The following CDH13 variants were observed in gnomAD, a reference collection of about 807,000 sequenced individuals.
The protein encoded by CDH13 is cadherin 13, also known as cadherin-13.
In CDH13, 24 loss-of-function variants were observed where a neutral mutation model predicts 63.8. The observed-to-expected ratio is 0.38, with a 90% CI of 0.27 to 0.53. CDH13 has a LOEUF of 0.53. Ranked by LOEUF, CDH13 falls within the 20% of genes least tolerant of loss-of-function variation. CDH13 has a pLI of 0.85. For synonymous variants in CDH13, 503 were observed against 355.3 expected (o/e 1.42, Z -4.67); for missense variants, 1,049 against 903.1 (o/e 1.16, Z -2.07).
intron 8 of CDH13, among the ~76,000 whole-genome samples, chr16:83,610,428 C>T (rs117263931): frequency 0.015 from 2,331 of 152,278 alleles, 19 homozygotes; most frequent in Non-Finnish European, 0.022. Context: ...TAATTCTCAA[C>T]AGATCAAACA....
intron 2 of CDH13, among the ~76,000 whole-genome samples, chr16:82,953,007 C>T (rs746711571): frequency 6.6e-6 from 1 of 152,180 alleles, no homozygotes; most frequent in Non-Finnish European, 1.5e-5. Flanking sequence ...TGTGAACATA[C>T]TGCCAGCAAG....
intron 8 of CDH13, among the ~76,000 whole-genome samples, chr16:83,659,764 G>T (rs1321108815): frequency 6.7e-6 from 1 of 148,768 alleles, no homozygotes; most frequent in Admixed American, 6.7e-5. Context: ...GTACCCATGA[G>T]TTAGAGCAGC....
intron 3 of CDH13, among the ~76,000 whole-genome samples, chr16:83,089,487 T>C (rs1341749296): frequency 6.6e-6 from 1 of 152,074 alleles, no homozygotes; most frequent in Non-Finnish European, 1.5e-5. Flanking sequence ...GCGTCAGGAA[T>C]CTGAATCACA....
At chr16:83,216,080 C>T (rs1250095706) in intron 4 of CDH13, among the ~76,000 whole-genome samples, 1 of 151,680 alleles carries the variant, frequency 6.6e-6, no homozygotes, top group Non-Finnish European at 1.5e-5. Flanking sequence ...ACTTTCCAGA[C>T]TCTTCCTTGT....
intron 2 of CDH13, among the ~76,000 whole-genome samples, chr16:82,882,850 T>C (rs759744231): frequency 6.6e-6 from 1 of 152,174 alleles, no homozygotes. Context: ...ATTCTCCTTC[T>C]TGGGATATTA....
At chr16:83,348,910 C>T (rs982551050) in intron 6 of CDH13, among the ~76,000 whole-genome samples, 5 of 152,180 alleles carry the variant, frequency 3.3e-5, no homozygotes, top group African/African-American at 1.2e-4. Context: ...TACCCTTTAG[C>T]AAAGGTAAAG....
intron 3 of CDH13, among the ~76,000 whole-genome samples, chr16:83,070,025 C>A (rs139960865): frequency 6.6e-6 from 1 of 152,036 alleles, no homozygotes; most frequent in South Asian, 2.1e-4. Context: ...TTGAGGACAA[C>A]TTCCCTTTTT....
intron 3 of CDH13, among the ~76,000 whole-genome samples, chr16:83,111,002 C>A (rs1371153090): frequency 1.2e-3 from 127 of 106,210 alleles, no homozygotes; most frequent in Middle Eastern, 5.1e-3. Flanking sequence ...TAGGTTGTTG[C>A]AAAAAAAAAA....
chr16:83,253,495 C>T (rs1905839205), intron 5 of CDH13, among the ~76,000 whole-genome samples: 1 of 152,214 alleles, frequency 6.6e-6, no homozygotes, highest in Non-Finnish European at 1.5e-5. Context: ...CCACAAGATA[C>T]CTGTGCCTTC....
At chr16:83,695,327 C>T (rs934611986) in intron 10 of CDH13, among the ~76,000 whole-genome samples, 2 of 152,232 alleles carry the variant, frequency 1.3e-5, no homozygotes, top group African/African-American at 4.8e-5. Flanking sequence ...CATGGCGCTG[C>T]TGTGCGCAAG....
intron 6 of CDH13, among the ~76,000 whole-genome samples, chr16:83,360,808 A>G (rs1230406079): frequency 6.6e-6 from 1 of 152,196 alleles, no homozygotes; most frequent in African/African-American, 2.4e-5. Context: ...CTATGGCTGC[A>G]TAGTATTCTG....
chr16:83,662,332 C>T (rs1466203155), intron 8 of CDH13, among the ~76,000 whole-genome samples: 1 of 152,174 alleles, frequency 6.6e-6, no homozygotes, highest in South Asian at 2.1e-4. Context: ...TCTCTCTTTG[C>T]ATGATGGAGA....
rs576239656 is a variant in CDH13 at position 83,718,876 on chromosome 16, G to A, written c.1539-29232G>A. ...TCTCATGGGGAGCAAGGGAGCTGAG[G>A]TATAAGTACCCCAGTCATTGGGTGA... On this transcript the variant is annotated intron_variant, in intron 10 of 13. Coordinates refer to ENST00000567109, the MANE Select transcript of CDH13 (RefSeq NM_001257.5). Among the ~76,000 whole-genome samples the A allele has an allele frequency of 2.6e-5, 4 of 152,282 alleles. No individual in the cohort carries two copies. In the East Asian group the frequency reaches 7.7e-4, roughly 29 times the overall value.
chr16:83,150,267 A>C (rs2036920224), intron 4 of CDH13, among the ~76,000 whole-genome samples: 1 of 152,204 alleles, frequency 6.6e-6, no homozygotes, highest in Admixed American at 6.5e-5. Context: ...AAGCAAACAG[A>C]AGAAAAGTAA....
At chr16:83,228,803 AATG>A (rs1453586452) in intron 5 of CDH13, among the ~76,000 whole-genome samples, 1 of 152,140 alleles carries the variant, frequency 6.6e-6, no homozygotes, top group Non-Finnish European at 1.5e-5. Flanking sequence ...GAAAGGGACA[AATG>A]ATGGAGGATT....
intron 7 of CDH13, among the ~76,000 whole-genome samples, chr16:83,556,642 C>T (rs567473506): frequency 5.9e-5 from 9 of 152,314 alleles, no homozygotes; most frequent in African/African-American, 1.4e-4. Flanking sequence ...GTCTCAGTTT[C>T]GGTATTTCTC....
chr16:83,483,679 G>A (rs888444358), intron 6 of CDH13, among the ~76,000 whole-genome samples: 3 of 152,112 alleles, frequency 2.0e-5, no homozygotes, highest in African/African-American at 7.2e-5. Context: ...ATGGGGTTAA[G>A]GCCTCCTCCT....
intron 7 of CDH13, among the ~76,000 whole-genome samples, chr16:83,560,948 G>A (rs1042884539): frequency 3.3e-5 from 5 of 152,098 alleles, no homozygotes; most frequent in Non-Finnish European, 7.4e-5. Flanking sequence ...AACCTGGAAG[G>A]GAAAGGGTAT....
chr16:83,412,037 G>A (rs1217086392), intron 6 of CDH13, among the ~76,000 whole-genome samples: 1 of 152,202 alleles, frequency 6.6e-6, no homozygotes, highest in Non-Finnish European at 1.5e-5. Flanking sequence ...TGTGAAGGAG[G>A]CACAGGGAGG....
Sources: allele counts gnomAD v4.1 joint callset (sites outside exome capture counted in the v4.1 genomes callset), GRCh38; gene constraint gnomAD v4.1.1; transcripts MANE v1.5; gene names NCBI Gene and HGNC (gene_info 2026-07-23, HGNC 2026-07-21).